EBF1: variants seen among roughly 807,000 people sequenced by gnomAD.
EBF1 encodes the protein EBF transcription factor 1.
EBF1 carries 10 observed loss-of-function variants against 68.4 expected under a neutral mutation model. The ratio of observed to expected loss-of-function variants is 0.15; its 90% CI spans 0.09 to 0.25. The LOEUF is 0.25. Ranked by LOEUF, EBF1 falls within the 10% of genes least tolerant of loss-of-function variation. EBF1 has a pLI of 1.00. For missense variants in EBF1, 509 were observed against 794.4 expected, an observed-to-expected ratio of 0.64 and a Z score of 4.32; for synonymous variants, 298 against 299.8, an observed-to-expected ratio of 0.99 and a Z score of 0.06.
chr5:158,919,504 G>C (rs1807934927), intron 6 of EBF1, among the ~76,000 whole-genome samples: 1 of 152,120 alleles, frequency 6.6e-6, no homozygotes, highest in Admixed American at 6.6e-5. Context: ...TGAAAAAGCA[G>C]ATCTCCCTTC....
At chr5:158,880,035 A>G (rs573116795) in intron 6 of EBF1, among the ~76,000 whole-genome samples, 5 of 152,308 alleles carry the variant, frequency 3.3e-5, no homozygotes, top group African/African-American at 1.2e-4. Flanking sequence ...TCACACAACT[A>G]ATTAATGGCA....
At chr5:158,760,833 T>C (rs1771271787) in intron 10 of EBF1, among the ~76,000 whole-genome samples, 1 of 152,220 alleles carries the variant, frequency 6.6e-6, no homozygotes, top group Admixed American at 6.5e-5. Context: ...CAACCTTTTT[T>C]ATCCGCTTCT....
intron 6 of EBF1, among the ~76,000 whole-genome samples, chr5:159,042,871 A>AT (rs1771515088): frequency 2.0e-5 from 3 of 149,836 alleles, no homozygotes; most frequent in Non-Finnish European, 3.0e-5. Context: ...AAAAAAAAAA[A>AT]AATAAAAAAG....
At chr5:158,803,527 G>A (rs1781010974) in intron 8 of EBF1, among the ~76,000 whole-genome samples, 1 of 151,910 alleles carries the variant, frequency 6.6e-6, no homozygotes, top group African/African-American at 2.4e-5. Flanking sequence ...ATGCACAGGA[G>A]GCAAATCTAT....
At chr5:158,958,400 C>T (rs980579405) in intron 6 of EBF1, among the ~76,000 whole-genome samples, 1 of 152,054 alleles carries the variant, frequency 6.6e-6, no homozygotes, top group African/African-American at 2.4e-5. Flanking sequence ...AGTACCACAC[C>T]TTTAAATTCA....
At position 158,714,792 on chromosome 5, in the gene EBF1, A is replaced by G. The variant is rs557329960; in HGVS notation, c.1126-610T>C. ...AGAGGCCCCCTCTGCACCAATTTTCATTACTGGCAGTATCTATTTCTTTAA... is the reference window on the plus strand; with the variant it reads ...AGAGGCCCCCTCTGCACCAATTTTCGTTACTGGCAGTATCTATTTCTTTAA... On this transcript the variant is annotated intron_variant, in intron 11 of 15. Coordinates refer to ENST00000313708, the MANE Select transcript of EBF1 (RefSeq NM_024007.5). 5.3e-5 allele frequency among the ~76,000 whole-genome samples: 8 copies of G among 152,192 alleles called. No homozygotes were observed. The East Asian group carries it at 1.4e-3, about 26-fold the overall frequency.
At chr5:158,975,217 T>C (rs982900027) in intron 6 of EBF1, among the ~76,000 whole-genome samples, 1 of 152,160 alleles carries the variant, frequency 6.6e-6, no homozygotes, top group Admixed American at 6.5e-5. Flanking sequence ...GATCTCACAT[T>C]AAAACCCAGT....
intron 6 of EBF1, among the ~76,000 whole-genome samples, chr5:159,050,402 T>C: frequency 6.6e-6 from 1 of 152,168 alleles, no homozygotes; most frequent in Non-Finnish European, 1.5e-5. Context: ...TCTCCCCTCC[T>C]GCCCAGGTGG....
At chr5:159,020,735 T>C (rs1766518051) in intron 6 of EBF1, among the ~76,000 whole-genome samples, 1 of 152,124 alleles carries the variant, frequency 6.6e-6, no homozygotes, top group Admixed American at 6.6e-5. Flanking sequence ...GAGGCAAGAG[T>C]CATGTCTGAT....
chr5:158,739,183 G>C (rs1171231168), intron 10 of EBF1, among the ~76,000 whole-genome samples: 2 of 152,180 alleles, frequency 1.3e-5, no homozygotes, highest in Non-Finnish European at 2.9e-5. Context: ...ACTACAACCG[G>C]TTGGCATTTT....
At position 158,891,364 on chromosome 5, in the gene EBF1, C is replaced by T. The variant is rs375289342; in HGVS notation, c.555-51254G>A. On this transcript the variant is annotated intron_variant, in intron 6 of 15. Transcript: ENST00000313708. ...TAACTGTAGGAAGAAGCTCATCCTT[C>T]TCTTATGGTAACAAAATCCTCTTCC... is the stretch of plus-strand genomic sequence containing the variant. Among the ~76,000 whole-genome samples the T allele has an allele frequency of 1.5e-4, 23 of 152,268 alleles. No homozygotes were observed. In the East Asian group the frequency reaches 4.4e-3, roughly 29 times the overall value.
At chr5:158,907,478 G>A (rs1229658392) in intron 6 of EBF1, among the ~76,000 whole-genome samples, 2 of 152,106 alleles carry the variant, frequency 1.3e-5, no homozygotes, top group Non-Finnish European at 2.9e-5. Flanking sequence ...AACATCTAGG[G>A]TAATTCTATA....
chr5:158,787,312 G>C (rs904967639), intron 9 of EBF1, among the ~76,000 whole-genome samples: 1 of 152,022 alleles, frequency 6.6e-6, no homozygotes, highest in Non-Finnish European at 1.5e-5. Flanking sequence ...TTCTTCCCTA[G>C]ACATCAGGCC....
chr5:158,717,760 T>A (rs1356658639), intron 11 of EBF1, among the ~76,000 whole-genome samples: 6 of 152,062 alleles, frequency 3.9e-5, no homozygotes, highest in Non-Finnish European at 1.5e-5. Context: ...GTCAGACAAT[T>A]TTTCTGCTCA....
intron 6 of EBF1, among the ~76,000 whole-genome samples, chr5:158,968,267 T>C (rs893151164): frequency 2.6e-5 from 4 of 152,174 alleles, no homozygotes; most frequent in African/African-American, 7.2e-5. Context: ...AAAAGGTAGT[T>C]AACATCACTT....
chr5:158,766,056 T>C (rs1014329687), intron 10 of EBF1, among the ~76,000 whole-genome samples: 1 of 152,202 alleles, frequency 6.6e-6, no homozygotes, highest in Non-Finnish European at 1.5e-5. Context: ...GGGCATGAAA[T>C]AATCATAATC....
At chr5:159,063,595 T>G (rs77754581) in intron 6 of EBF1, among the ~76,000 whole-genome samples, 3 of 152,212 alleles carry the variant, frequency 2.0e-5, no homozygotes, top group African/African-American at 7.2e-5. Context: ...TCTTTTTCAC[T>G]GTTATACCCC....
At chr5:158,784,353 A>G (rs576802107) in intron 9 of EBF1, among the ~76,000 whole-genome samples, 11 of 152,198 alleles carry the variant, frequency 7.2e-5, no homozygotes, top group Non-Finnish European at 1.5e-4. Flanking sequence ...TTCCTGGTAC[A>G]TGTACTTTGC....
In EBF1 at chr5:158,990,241, G is replaced by A. The variant is rs1199261025; in HGVS notation, c.554+83155C>T. Among the ~76,000 whole-genome samples the A allele has an allele frequency of 2.0e-5, 3 of 152,282 alleles. No individual in the cohort carries two copies. In the East Asian group the frequency reaches 5.8e-4, roughly 29 times the overall value. ...TCTGCTGGTGATGGAGCACACTGTG[G>A]GGACATCCCAGGGAAACCAGCCTCT... On this transcript the variant is annotated intron_variant, in intron 6 of 15. Coordinates refer to ENST00000313708, the MANE Select transcript of EBF1 (RefSeq NM_024007.5).
Sources: allele counts gnomAD v4.1 joint callset (sites outside exome capture counted in the v4.1 genomes callset), GRCh38; gene constraint gnomAD v4.1.1; transcripts MANE v1.5; gene names NCBI Gene and HGNC (gene_info 2026-07-23, HGNC 2026-07-21).